Variants in LPP observed in about 807,000 individuals in gnomAD.
The protein encoded by LPP is lipoma-preferred partner.
A neutral mutation model predicts 60.4 loss-of-function variants in LPP; 38 were observed. The ratio of observed to expected loss-of-function variants is 0.63; its 90% confidence interval spans 0.49 to 0.83. The LOEUF (loss-of-function observed/expected upper bound fraction) is 0.83, where lower values mean the gene tolerates loss of function less well. Among genes scored for constraint, LPP ranks in the 40% least tolerant of loss-of-function variants. The probability of loss-of-function intolerance (pLI) is 0.00; values close to 1 mark genes in which losing one functional copy is unlikely to be tolerated. For missense variants in LPP, 902 were observed against 783.6 expected (o/e 1.15, Z -1.80); for synonymous variants, 328 against 290.8 (o/e 1.13, Z -1.30).
intron 7 of LPP, among the ~76,000 whole-genome samples, chr3:188,626,275 C>T (rs1368483355): frequency 2.0e-5 from 3 of 151,998 alleles, no homozygotes; most frequent in African/African-American, 7.2e-5. Context: ...TTTCAAAATA[C>T]AATATAACAA....
Position 188,878,269 on chromosome 3 carries a change from T to C in LPP, c.*3790T>C, listed in dbSNP as rs1340537564. ...CCCTGATCCTTCCATTATCAAGTTT[T>C]GAAGGGTGTTGGGGAAATTATGGCA... On this transcript the variant is annotated 3_prime_UTR_variant, in exon 12 of 12. Coordinates refer to ENST00000617246, the MANE Select transcript of LPP (RefSeq NM_001375462.1). 4.6e-6 allele frequency: 1 copy of C among 219,726 alleles called. No homozygotes were observed. The highest frequency in any genetic ancestry group is 9.1e-6 in the Non-Finnish European group (1 of 109,384). The allele number at this position is 219,726 out of a possible 1,614,324, so 13.6% of individuals were successfully genotyped here.
At chr3:188,791,442 T>A (rs1254131816) in intron 9 of LPP, among the ~76,000 whole-genome samples, 2 of 152,224 alleles carry the variant, frequency 1.3e-5, no homozygotes, top group Non-Finnish European at 2.9e-5. Context: ...TCTGTTTCTC[T>A]TGTTTATGCG....
intron 3 of LPP, among the ~76,000 whole-genome samples, chr3:188,351,392 A>G (rs1362334114): frequency 6.6e-6 from 1 of 152,146 alleles, no homozygotes; most frequent in African/African-American, 2.4e-5. Context: ...AATCGTGCCC[A>G]CATCTCACCA....
chr3:188,494,382 C>G (rs74962417), intron 5 of LPP, among the ~76,000 whole-genome samples: 1 of 152,158 alleles, frequency 6.6e-6, no homozygotes, highest in Non-Finnish European at 1.5e-5. Context: ...GTGTTTTCAT[C>G]GGTGACTTTG....
At chr3:188,824,874 T>C (rs1455232874) in intron 9 of LPP, among the ~76,000 whole-genome samples, 1 of 152,184 alleles carries the variant, frequency 6.6e-6, no homozygotes, top group Non-Finnish European at 1.5e-5. Context: ...ACCAAGGTGA[T>C]GATGACATAC....
Position 188,781,936 on chromosome 3 carries a change from C to T in LPP, c.1410+21654C>T, listed in dbSNP as rs532291918. Among the ~76,000 whole-genome samples the T allele has an allele frequency of 1.8e-4, 28 of 151,826 alleles. 1 individual carries two copies. In the South Asian group the frequency reaches 5.8e-3, roughly 32 times the overall value. On this transcript the variant is annotated intron_variant, in intron 9 of 11. Coordinates refer to ENST00000617246, the MANE Select transcript of LPP (RefSeq NM_001375462.1). ...CTATCACCCCCCTTGATTCACTTAC[C>T]TCCCACTGTGTCCCTTCTACTTCAC... is the stretch of plus-strand genomic sequence containing the variant.
rs535155451 is a variant in LPP at position 188,781,666 on chromosome 3, G to A, written c.1410+21384G>A. Among the ~76,000 whole-genome samples the A allele has an allele frequency of 3.3e-5, 5 of 151,652 alleles. No homozygotes were observed. In the South Asian group the frequency reaches 6.3e-4, roughly 19 times the overall value. ...TGGGAGGCCGAGGTGGGTGGATCAC[G>A]AGGTCAGGAGATCGAGATCATCCTG... On this transcript the variant is annotated intron_variant, in intron 9 of 11. Coordinates refer to ENST00000617246, the MANE Select transcript of LPP (RefSeq NM_001375462.1).
intron 5 of LPP, among the ~76,000 whole-genome samples, chr3:188,486,764 G>C (rs1806671920): frequency 6.6e-6 from 1 of 152,082 alleles, no homozygotes; most frequent in African/African-American, 2.4e-5. Context: ...TTTTATTTTG[G>C]TGTATACTAA....
intron 6 of LPP, among the ~76,000 whole-genome samples, chr3:188,563,697 T>A (rs1351244148): frequency 6.6e-6 from 1 of 151,292 alleles, no homozygotes; most frequent in African/African-American, 2.4e-5. Flanking sequence ...TACATGTGAA[T>A]CCAGAATTGG....
intron 9 of LPP, among the ~76,000 whole-genome samples, chr3:188,861,551 TGTA>T (rs1183009508): frequency 4.6e-5 from 7 of 152,204 alleles, no homozygotes; most frequent in Admixed American, 4.6e-4. Context: ...CTATGTAATA[TGTA>T]AATAATGGTA....
chr3:188,358,873 G>C (rs1385988312), intron 3 of LPP, among the ~76,000 whole-genome samples: 2 of 152,200 alleles, frequency 1.3e-5, no homozygotes, highest in Non-Finnish European at 2.9e-5. Flanking sequence ...ACTAGTCCAA[G>C]GAGGTACCAC....
chr3:188,844,738 T>A (rs964179537), intron 9 of LPP, among the ~76,000 whole-genome samples: 1 of 152,202 alleles, frequency 6.6e-6, no homozygotes, highest in African/African-American at 2.4e-5. Flanking sequence ...CTACAGAAAT[T>A]TAGAGGGCTA....
intron 2 of LPP, among the ~76,000 whole-genome samples, chr3:188,286,988 C>T (rs1441534036): frequency 1.3e-5 from 2 of 152,130 alleles, no homozygotes; most frequent in Non-Finnish European, 2.9e-5. Context: ...GCAACCTCCT[C>T]CTCCCAGCTT....
At chr3:188,371,641 ATTTTTTTTTTTTTTTTT>A (rs1158606459) in intron 3 of LPP, among the ~76,000 whole-genome samples, 5 of 32,166 alleles carry the variant, frequency 1.6e-4, no homozygotes, top group African/African-American at 6.2e-4. Flanking sequence ...ATATATATAT[ATTTTTTTTTTTTTTTTT>A]TTTTTTTTTT....
chr3:188,402,781 T>C (rs1422375950), intron 3 of LPP, among the ~76,000 whole-genome samples: 1 of 152,206 alleles, frequency 6.6e-6, no homozygotes, highest in Non-Finnish European at 1.5e-5. Context: ...GGTAAATAAA[T>C]GGCTTTCTTG....
chr3:188,187,172 C>T (rs537368448), intron 1 of LPP, among the ~76,000 whole-genome samples: 98 of 152,118 alleles, frequency 6.4e-4, no homozygotes, highest in African/African-American at 2.2e-3. Flanking sequence ...TGGTTTTATA[C>T]GTATAGCTAA....
chr3:188,291,619 C>T (rs533637476), intron 2 of LPP, among the ~76,000 whole-genome samples: 1 of 135,486 alleles, frequency 7.4e-6, no homozygotes, highest in Non-Finnish European at 1.5e-5. Flanking sequence ...GCACTCCAGC[C>T]TGGGCGACAG....
Position 188,609,692 on chromosome 3 carries a change from G to A in LPP, c.961G>A (p.Gly321Ser), listed in dbSNP as rs1479979432. Residue 321 changes from glycine to serine, a missense_variant, in exon 7 of 12, where the codon GGT (glycine) becomes AGT (serine). By Grantham distance (56) the Gly-to-Ser change is moderately conservative (BLOSUM62 0). Transcript: ENST00000617246. This position sits in a 1 kb window ranked among gnomAD's most constrained non-coding sequence, Gnocchi z 6.9. ...CTCTGACCCTACCTATGGTCAACAA[G>A]GTCACCCAAATACCTGGAAACGGGA... ...NDSDPTYGQQ[G>S]HPNTWKREPG... 6.2e-7 allele frequency: 1 copy of A among 1,613,946 alleles called. No homozygotes were observed.
At chr3:188,784,232 G>A (rs902636301) in intron 9 of LPP, among the ~76,000 whole-genome samples, 9 of 150,120 alleles carry the variant, frequency 6.0e-5, no homozygotes, top group Non-Finnish European at 8.9e-5. Flanking sequence ...ATTTCATCCA[G>A]GTCACTGTGA....
Sources: allele counts gnomAD v4.1 joint callset (sites outside exome capture counted in the v4.1 genomes callset), GRCh38; gene constraint gnomAD v4.1.1; non-coding constraint Gnocchi (gnomAD v3.1); transcripts MANE v1.5; gene names NCBI Gene and HGNC (gene_info 2026-07-23, HGNC 2026-07-21).